The following SLC4A1AP variants were observed in gnomAD, a reference collection of about 807,000 sequenced individuals.
The protein encoded by SLC4A1AP is kanadaptin.
SLC4A1AP carries 64 observed loss-of-function variants against 89.7 expected under a neutral mutation model. The observed-to-expected ratio is 0.71, with a 90% CI of 0.58 to 0.88. The LOEUF (loss-of-function observed/expected upper bound fraction) is 0.88, where lower values mean the gene tolerates loss of function less well. Ranked by LOEUF, SLC4A1AP falls within the 40% of genes least tolerant of loss-of-function variation. The probability of loss-of-function intolerance (pLI) is 0.00; values close to 1 mark genes in which losing one functional copy is unlikely to be tolerated. For missense variants in SLC4A1AP, 931 were observed against 965.0 expected, an observed-to-expected ratio of 0.96 and a Z score of 0.47; for synonymous variants, 366 against 353.3, an observed-to-expected ratio of 1.04 and a Z score of -0.40.
intron 2 of SLC4A1AP, 63 bp from the exon 3 acceptor site, chr2:27,667,205 G>T (rs906076315): frequency 2.6e-6 from 4 of 1,516,948 alleles, no homozygotes; most frequent in Non-Finnish European, 2.7e-6. Flanking sequence ...AGAATAGTGG[G>T]TATCATTCAA....
In SLC4A1AP at chr2:27,664,226, A is replaced by G. The variant is rs746353742; in HGVS notation, c.474A>G (p.Pro158=). 1.9e-5 allele frequency: 30 copies of G among 1,613,920 alleles called. No homozygotes were observed. In the South Asian group the frequency reaches 3.2e-4, roughly 17 times the overall value. Residue 158 remains proline, a synonymous_variant, in exon 1 of 14, where the codon CCA becomes CCG. Coordinates refer to ENST00000613058, the Ensembl canonical transcript of SLC4A1AP. Reference sequence around the variant, plus strand: ...GGGCTCCCCCCTACCAAGAGCCTCCATGGGGTGGCCCTGCCACAGCCCCCT... The same window carrying G: ...GGGCTCCCCCCTACCAAGAGCCTCCGTGGGGTGGCCCTGCCACAGCCCCCT...
At chr2:27,681,439 C>T (rs1479042933) in intron 8 of SLC4A1AP, among the ~76,000 whole-genome samples, 3 of 152,116 alleles carry the variant, frequency 2.0e-5, no homozygotes. Context: ...AATGCCATTA[C>T]TGTCCTTATA....
At chr2:27,668,764 G>C (rs1041518220) in intron 3 of SLC4A1AP, 79 bp from the exon 4 acceptor site, 7 of 1,311,010 alleles carry the variant, frequency 5.3e-6, no homozygotes, top group Non-Finnish European at 7.7e-6. Context: ...CGTATTTAAC[G>C]TTTGTTCTCA....
intron 5 of SLC4A1AP, among the ~76,000 whole-genome samples, chr2:27,672,206 C>T (rs2178198): frequency 0.093 from 14,118 of 152,146 alleles, 857 homozygotes; most frequent in Non-Finnish European, 0.13. Flanking sequence ...AGGAAGTTTT[C>T]TGCAATTATG....
rs574209297 is a variant in SLC4A1AP, at chr2:27,688,250, C to G, written c.2203+230C>G. ...CTTCTGGGGTTCCCTCTCCCTCCCC[C>G]ACAAAGCACCTAATGCCTTGATACT... On this transcript the variant is annotated intron_variant, in intron 11 of 13. Transcript: ENST00000613058. 2.2e-4 allele frequency among the ~76,000 whole-genome samples: 33 copies of G among 152,332 alleles called. 1 individual carries two copies. In the East Asian group the frequency reaches 4.6e-3, roughly 21 times the overall value.
intron 9 of SLC4A1AP, among the ~76,000 whole-genome samples, chr2:27,684,161 T>G (rs1675666544): frequency 6.6e-6 from 1 of 152,110 alleles, no homozygotes; most frequent in Non-Finnish European, 1.5e-5. Flanking sequence ...GCGCGGTGGC[T>G]CATACCTGTT....
At chr2:27,687,886 C>T (rs766463006) in intron 10 of SLC4A1AP, 48 bp from the exon 11 acceptor site, 11 of 1,449,234 alleles carry the variant, frequency 7.6e-6, no homozygotes, top group Middle Eastern at 1.8e-4. Context: ...TTTGGCTTTC[C>T]ACCATGAATT....
intron 5 of SLC4A1AP, among the ~76,000 whole-genome samples, chr2:27,671,471 C>A (rs1675427181): frequency 6.6e-6 from 1 of 152,166 alleles, no homozygotes; most frequent in South Asian, 2.1e-4. Flanking sequence ...TCAGTAGCCT[C>A]ACCACATCAA....
chr2:27,670,922 CTT>C (rs34481114), intron 5 of SLC4A1AP, among the ~76,000 whole-genome samples: 15 of 111,844 alleles, frequency 1.3e-4, no homozygotes, highest in African/African-American at 4.2e-4. Context: ...CTTTTCTTTT[CTT>C]TTTTTTTTTT....
At chr2:27,672,756 A>G (rs1376279559) in intron 5 of SLC4A1AP, among the ~76,000 whole-genome samples, 2 of 152,126 alleles carry the variant, frequency 1.3e-5, no homozygotes, top group African/African-American at 4.8e-5. Context: ...GTACTATTGA[A>G]TGATGTGGGT....
exon 10 of SLC4A1AP, chr2:27,685,142 AAGG>A (rs1210697375): frequency 6.2e-7 from 1 of 1,613,988 alleles, no homozygotes; most frequent in Non-Finnish European, 8.5e-7. Context: ...AGAGAAAGAA[AAGG>A]AGGAGCATGA....
At chr2:27,678,517 A>C (rs536712626) in intron 8 of SLC4A1AP, among the ~76,000 whole-genome samples, 1 of 151,736 alleles carries the variant, frequency 6.6e-6, no homozygotes, top group South Asian at 2.1e-4. Context: ...TGGGTGACAG[A>C]GGAAGTTCCT....
intron 8 of SLC4A1AP, among the ~76,000 whole-genome samples, chr2:27,679,395 G>A (rs1410247766): frequency 6.6e-6 from 1 of 152,214 alleles, no homozygotes; most frequent in Non-Finnish European, 1.5e-5. Context: ...GAGGTCAGGA[G>A]ATCGAGACCA....
chr2:27,685,380 T>A, intron 10 of SLC4A1AP, 103 bp downstream of exon 10: 1 of 1,437,566 alleles, frequency 7.0e-7, no homozygotes. Flanking sequence ...CATTTGACTT[T>A]GTATGTGATA....
At chr2:27,669,444 A>G in intron 5 of SLC4A1AP, 57 bp downstream of exon 5, 1 of 1,432,266 alleles carries the variant, frequency 7.0e-7, no homozygotes, top group Non-Finnish European at 9.3e-7. Flanking sequence ...CTCAACACAA[A>G]CGCTAATAAA....
At chr2:27,684,987 T>A in intron 9 of SLC4A1AP, 50 bp from the exon 10 acceptor site, 1 of 1,538,808 alleles carries the variant, frequency 6.5e-7, no homozygotes, top group South Asian at 1.3e-5. Flanking sequence ...GATTTTTCTC[T>A]TGTTGTCATT....
intron 10 of SLC4A1AP, 69 bp from the exon 11 acceptor site, chr2:27,687,865 G>T: frequency 1.7e-6 from 2 of 1,206,690 alleles, no homozygotes; most frequent in Non-Finnish European, 2.4e-6. Context: ...TCTTGTTTTT[G>T]TTTTTGTTTG....
chr2:27,671,861 A>G (rs1183526455), intron 5 of SLC4A1AP, among the ~76,000 whole-genome samples: 3 of 152,204 alleles, frequency 2.0e-5, no homozygotes, highest in African/African-American at 7.2e-5. Flanking sequence ...GATTTCAGAG[A>G]AAGAGTGTAT....
intron 8 of SLC4A1AP, among the ~76,000 whole-genome samples, chr2:27,678,909 G>A (rs1212028123): frequency 6.6e-6 from 1 of 151,656 alleles, no homozygotes; most frequent in Non-Finnish European, 1.5e-5. Flanking sequence ...GTAGAGATGG[G>A]GTCTTGCCAT....
Sources: allele counts gnomAD v4.1 joint callset (sites outside exome capture counted in the v4.1 genomes callset), GRCh38; gene constraint gnomAD v4.1.1; transcripts MANE v1.5; gene names NCBI Gene and HGNC (gene_info 2026-07-23, HGNC 2026-07-21).